The following KCNAB1 variants were observed in gnomAD, a reference collection of about 807,000 sequenced individuals.
The protein encoded by KCNAB1 is potassium voltage-gated channel subfamily A regulatory beta subunit 1.
KCNAB1 carries 35 observed loss-of-function variants against 64.6 expected under a neutral mutation model. The observed-to-expected ratio is 0.54, with a 90% CI of 0.41 to 0.72. KCNAB1 has a LOEUF of 0.72. Among genes scored for constraint, KCNAB1 ranks in the 30% least tolerant of loss-of-function variants. The pLI is 0.00. For synonymous variants in KCNAB1, 177 were observed against 183.8 expected (o/e 0.96, Z 0.30); for missense variants, 401 against 512.9 (o/e 0.78, Z 2.11).
intron 1 of KCNAB1, among the ~76,000 whole-genome samples, chr3:156,212,777 G>GAGGA (rs1434387358): frequency 6.6e-6 from 1 of 152,190 alleles, no homozygotes; most frequent in African/African-American, 2.4e-5. Flanking sequence ...GGAGGAGCTT[G>GAGGA]AGGAAGGCAA....
chr3:156,414,556 C>G (rs938686951), intron 1 of KCNAB1, among the ~76,000 whole-genome samples: 92 of 152,266 alleles, frequency 6.0e-4, no homozygotes, highest in African/African-American at 1.9e-3. Flanking sequence ...AAGTCACAAA[C>G]AGTAACATGA....
At chr3:156,211,270 T>C (rs915201491) in intron 1 of KCNAB1, among the ~76,000 whole-genome samples, 5 of 152,366 alleles carry the variant, frequency 3.3e-5, no homozygotes, top group Non-Finnish European at 7.3e-5. Flanking sequence ...GCATTACTAA[T>C]TAGAAATTGT....
chr3:156,316,252 A>C (rs896474341), intron 1 of KCNAB1, among the ~76,000 whole-genome samples: 1 of 152,224 alleles, frequency 6.6e-6, no homozygotes, highest in African/African-American at 2.4e-5. Flanking sequence ...ACCCACCCCC[A>C]GCCAAGCAGT....
intron 1 of KCNAB1, chr3:156,143,325 T>G (rs141615018): frequency 6.2e-7 from 1 of 1,612,704 alleles, no homozygotes; most frequent in Admixed American, 1.7e-5. Flanking sequence ...TGAGGCCCAG[T>G]GGAGCAGCCG....
chr3:156,532,440 T>C (rs1015222196), intron 13 of KCNAB1, among the ~76,000 whole-genome samples: 1 of 152,214 alleles, frequency 6.6e-6, no homozygotes, highest in Non-Finnish European at 1.5e-5. Context: ...CTGGTAAGGT[T>C]ATCTATTTTT....
intron 1 of KCNAB1, among the ~76,000 whole-genome samples, chr3:156,352,401 C>G (rs1430014002): frequency 2.0e-5 from 3 of 152,168 alleles, no homozygotes; most frequent in African/African-American, 7.2e-5. Context: ...TCTGTGGTGT[C>G]ACAGCCGCTC....
At chr3:156,213,268 A>G (rs550606035) in intron 1 of KCNAB1, among the ~76,000 whole-genome samples, 1 of 150,250 alleles carries the variant, frequency 6.7e-6, no homozygotes, top group South Asian at 2.1e-4. Context: ...ACCCAAGCTG[A>G]AATGCAGTGG....
chr3:156,131,159 G>A (rs1451936423), intron 1 of KCNAB1, among the ~76,000 whole-genome samples: 1 of 152,184 alleles, frequency 6.6e-6, no homozygotes, highest in African/African-American at 2.4e-5. Context: ...TGTCCTGCCA[G>A]GGATTTTTAC....
At chr3:156,465,614 CA>C (rs761832446) in intron 6 of KCNAB1, 28 bp from the exon 7 acceptor site, 1 of 1,604,390 alleles carries the variant, frequency 6.2e-7, no homozygotes, top group Non-Finnish European at 8.5e-7. Context: ...CACTCTCATT[CA>C]AAGTTATTTG....
rs112487552 is a variant in KCNAB1 at position 156,361,349 on chromosome 3, G to A, written c.276-60267G>A. The stretch of plus-strand genomic sequence containing the variant: ...GGTTTTCAGTGAAGCCATCAGCACC[G>A]GCTCCCTATTCCACATGGCCACCCC... On this transcript the variant is annotated intron_variant, in intron 1 of 13. Transcript: ENST00000490337. Among the ~76,000 whole-genome samples the A allele has an allele frequency of 6.7e-3, 1,022 of 152,094 alleles. 13 individuals carry two copies. The highest frequency in any genetic ancestry group is 0.024 in the African/African-American group (976 of 41,476).
chr3:156,455,833 G>A (rs1262195047), intron 3 of KCNAB1, among the ~76,000 whole-genome samples: 1 of 152,220 alleles, frequency 6.6e-6, no homozygotes, highest in Non-Finnish European at 1.5e-5. Context: ...TCCGGGGAAA[G>A]GGTGTTGCTC....
intron 1 of KCNAB1, among the ~76,000 whole-genome samples, chr3:156,326,919 G>A (rs1722998201): frequency 6.6e-6 from 1 of 152,024 alleles, no homozygotes; most frequent in Non-Finnish European, 1.5e-5. Flanking sequence ...TCTCCCATTA[G>A]AACATATAAT....
chr3:156,321,145 T>G (rs775176326), intron 1 of KCNAB1, among the ~76,000 whole-genome samples: 4 of 152,170 alleles, frequency 2.6e-5, no homozygotes, highest in Non-Finnish European at 4.4e-5. Context: ...AGTGCACACT[T>G]TTCCTTTCTT....
chr3:156,269,879 G>A (rs956606782), intron 1 of KCNAB1, among the ~76,000 whole-genome samples: 2 of 148,660 alleles, frequency 1.3e-5, no homozygotes, highest in African/African-American at 2.5e-5. Flanking sequence ...TATATGAAGT[G>A]CATTTCTTGC....
Position 156,452,230 on chromosome 3 carries a change from C to T in KCNAB1, c.320-669C>T, listed in dbSNP as rs1187591664. On this transcript the variant is annotated intron_variant, in intron 2 of 13. Coordinates refer to ENST00000490337, the MANE Select transcript of KCNAB1 (RefSeq NM_172160.3). This position sits in a 1 kb window ranked among gnomAD's most constrained non-coding sequence, Gnocchi z 4.6. ...CAAGTGCCCACTCCACTTCAGCTTC[C>T]CTTCTACTTTACAAAGTTTCAAACG... Among the ~76,000 whole-genome samples the T allele has an allele frequency of 1.3e-5, 2 of 152,194 alleles. No homozygotes were observed. The highest frequency in any genetic ancestry group is 2.9e-5 in the Non-Finnish European group (2 of 68,026).
intron 1 of KCNAB1, among the ~76,000 whole-genome samples, chr3:156,292,286 A>T (rs561431421): frequency 2.6e-5 from 4 of 152,192 alleles, no homozygotes; most frequent in East Asian, 3.9e-4. Context: ...GGATGAATAA[A>T]CCCAGGGTGG....
chr3:156,367,142 C>T (rs1039585838), intron 1 of KCNAB1, among the ~76,000 whole-genome samples: 5 of 151,532 alleles, frequency 3.3e-5, no homozygotes, highest in African/African-American at 9.7e-5. Flanking sequence ...AATTCACCTC[C>T]CTGCAAGTGG....
In KCNAB1 at chr3:156,214,465, G is replaced by T. The variant is rs145971075; in HGVS notation, c.275+93579G>T. Among the ~76,000 whole-genome samples, 589 of 152,224 alleles carry T rather than the reference G, an allele frequency of 3.9e-3. 7 individuals are homozygous for T. Among genetic ancestry groups the T allele is most frequent in the South Asian group, 0.017 (83 of 4,810 alleles). On this transcript the variant is annotated intron_variant, in intron 1 of 13. Transcript: ENST00000490337. ...CCACACGTTCGGTATTAGAATTGTT[G>T]TGTGAGTAGAGAATACTGAGTGTTT... is the stretch of plus-strand genomic sequence containing the variant.
At chr3:156,313,926 A>G (rs920030642) in intron 1 of KCNAB1, among the ~76,000 whole-genome samples, 1 of 152,242 alleles carries the variant, frequency 6.6e-6, no homozygotes, top group Non-Finnish European at 1.5e-5. Flanking sequence ...TCATTTTCAC[A>G]GTATTGATTT....
Sources: gnomAD v4.1 joint callset for allele counts (sites outside exome capture counted in the v4.1 genomes callset) on GRCh38, gnomAD v4.1.1 for gene constraint, Gnocchi (gnomAD v3.1) non-coding constraint, MANE v1.5 for transcripts, NCBI Gene and HGNC (gene_info 2026-07-23, HGNC 2026-07-21) for gene names.